PTPRN2: variants seen among roughly 807,000 people sequenced by gnomAD.
PTPRN2 encodes protein tyrosine phosphatase receptor type N2, also known as receptor-type tyrosine-protein phosphatase N2.
In PTPRN2, 74 loss-of-function variants were observed where a neutral mutation model predicts 118.8. The ratio of observed to expected loss-of-function variants is 0.62; its 90% CI spans 0.52 to 0.76. PTPRN2 has a LOEUF of 0.76. PTPRN2 is among the 30% of genes least tolerant of loss of function. The pLI, the probability that PTPRN2 is intolerant of heterozygous loss-of-function variation, is 0.00. For missense variants in PTPRN2, 1,481 were observed against 1,394.4 expected, an observed-to-expected ratio of 1.06 and a Z score of -0.99; for synonymous variants, 641 against 608.0, an observed-to-expected ratio of 1.05 and a Z score of -0.80.
intron 12 of PTPRN2, among the ~76,000 whole-genome samples, chr7:157,809,386 C>G (rs561824345): frequency 3.9e-5 from 6 of 152,078 alleles, no homozygotes; most frequent in African/African-American, 7.3e-5. Context: ...CAGCCCTGAG[C>G]GAGGTGTGGA....
chr7:157,726,092 C>A (rs71544504), intron 12 of PTPRN2, among the ~76,000 whole-genome samples: 1 of 106,718 alleles, frequency 9.4e-6, no homozygotes, highest in East Asian at 2.5e-4. Context: ...GTGGCCAGAC[C>A]CTCACCTCCC....
At chr7:158,331,868 G>C (rs1412203999) in intron 2 of PTPRN2, among the ~76,000 whole-genome samples, 1 of 109,682 alleles carries the variant, frequency 9.1e-6, no homozygotes, top group Non-Finnish European at 2.1e-5. Flanking sequence ...CACCATAAGA[G>C]CTGACACCCG....
At chr7:157,852,076 T>C (rs1004346031) in intron 12 of PTPRN2, among the ~76,000 whole-genome samples, 6 of 152,234 alleles carry the variant, frequency 3.9e-5, no homozygotes, top group African/African-American at 1.2e-4. Flanking sequence ...GGCAGGTCTG[T>C]TTGCAGCGGT....
intron 12 of PTPRN2, among the ~76,000 whole-genome samples, chr7:157,870,087 G>C (rs1289883964): frequency 1.3e-5 from 2 of 152,170 alleles, no homozygotes; most frequent in East Asian, 3.9e-4. Flanking sequence ...TGATTCCGCT[G>C]TTAAAAATTT....
chr7:158,154,353 G>A (rs1157770139), intron 6 of PTPRN2, among the ~76,000 whole-genome samples: 1 of 152,216 alleles, frequency 6.6e-6, no homozygotes, highest in Non-Finnish European at 1.5e-5. Flanking sequence ...ATGGGTTGCT[G>A]AGAAAATGAA....
chr7:157,931,836 G>A (rs942915518), intron 11 of PTPRN2, among the ~76,000 whole-genome samples: 1 of 152,164 alleles, frequency 6.6e-6, no homozygotes, highest in Non-Finnish European at 1.5e-5. Flanking sequence ...TCCTGAGCAT[G>A]AGCATGTGCA....
At chr7:157,679,100 AAT>A (rs879693746) in intron 13 of PTPRN2, among the ~76,000 whole-genome samples, 2 of 152,196 alleles carry the variant, frequency 1.3e-5, no homozygotes, top group South Asian at 4.2e-4. Flanking sequence ...TGTGTGTATA[AAT>A]ATATATATAC....
At chr7:158,552,297 G>A (rs943986272) in intron 1 of PTPRN2, among the ~76,000 whole-genome samples, 4 of 146,334 alleles carry the variant, frequency 2.7e-5, no homozygotes, top group Non-Finnish European at 4.5e-5. Flanking sequence ...CCCCGCCACC[G>A]CCTCCTAACC....
At chr7:157,906,755 G>A (rs370022198) in intron 11 of PTPRN2, among the ~76,000 whole-genome samples, 10 of 152,286 alleles carry the variant, frequency 6.6e-5, no homozygotes, top group Non-Finnish European at 1.0e-4. Flanking sequence ...CCAGGACCAC[G>A]GGCGGTGTGG....
intron 3 of PTPRN2, among the ~76,000 whole-genome samples, chr7:158,266,362 G>T (rs111486783): frequency 1.6e-5 from 2 of 124,014 alleles, no homozygotes; most frequent in Non-Finnish European, 3.3e-5. Flanking sequence ...GACGGCGTCT[G>T]CTGCGGGGTA....
chr7:157,625,868 A>T (rs1803542400), intron 14 of PTPRN2, among the ~76,000 whole-genome samples: 2 of 152,218 alleles, frequency 1.3e-5, no homozygotes, highest in African/African-American at 4.8e-5. Context: ...CATAAATAGC[A>T]TATGTAGAAA....
chr7:157,708,248 C>T (rs1174753405), intron 12 of PTPRN2, among the ~76,000 whole-genome samples: 2 of 152,242 alleles, frequency 1.3e-5, no homozygotes, highest in African/African-American at 4.8e-5. Context: ...ACATCCTCTC[C>T]TCTGCTGCCA....
intron 2 of PTPRN2, among the ~76,000 whole-genome samples, chr7:158,476,718 G>A (rs1462303030): frequency 6.6e-6 from 1 of 152,260 alleles, no homozygotes. Context: ...CCTCTAAAAC[G>A]AGGGCGTCCT....
intron 3 of PTPRN2, among the ~76,000 whole-genome samples, chr7:158,248,540 C>A (rs1417900441): frequency 6.6e-6 from 1 of 152,144 alleles, no homozygotes; most frequent in Admixed American, 6.5e-5. Flanking sequence ...ACACCCCATG[C>A]ACACATATCA....
intron 2 of PTPRN2, among the ~76,000 whole-genome samples, chr7:158,333,334 C>A (rs1332123107): frequency 7.0e-6 from 1 of 142,570 alleles, no homozygotes; most frequent in Admixed American, 6.8e-5. Flanking sequence ...ACACTGTCAC[C>A]ATAAGAGGTG....
At chr7:158,391,093 G>A (rs993438843) in intron 2 of PTPRN2, among the ~76,000 whole-genome samples, 11 of 152,138 alleles carry the variant, frequency 7.2e-5, no homozygotes, top group East Asian at 3.9e-4. Context: ...CGGTTGTAAC[G>A]CAACAGCCAT....
rs1258510047 is a variant in PTPRN2 at position 157,587,923 on chromosome 7, C to A, written c.2496+7315G>T. 6.8e-6 allele frequency among the ~76,000 whole-genome samples: 1 copy of A among 147,984 alleles called. No individual in the cohort carries two copies. Among genetic ancestry groups the A allele is most frequent in the East Asian group, 2.0e-4 (1 of 4,954 alleles). On this transcript the variant is annotated intron_variant, in intron 17 of 22. Coordinates refer to ENST00000389418, the MANE Select transcript of PTPRN2 (RefSeq NM_002847.5). This position sits in a 1 kb window ranked among gnomAD's most constrained non-coding sequence, Gnocchi z 5.3. ...GGCTGTCCCCGTGCCTGGGCTCCCG[C>A]GGTGGCTGTCCCCGTGCCTGGGCTC...
rs1554571717 is a variant in PTPRN2, at chr7:158,171,348, T to TATATATATATAC, written c.550-4058_550-4057insGTATATATATAT. Among the ~76,000 whole-genome samples, 37 of 89,970 alleles carry TATATATATATAC rather than the reference T, an allele frequency of 4.1e-4. 1 individual carries two copies. The highest frequency in any genetic ancestry group is 7.1e-4 in the South Asian group (2 of 2,812). The allele number at this position is 89,970 out of a possible 152,430, so 59.0% of individuals were successfully genotyped here. ...ATATATATATATATATATATATATA[T>TATATATATATAC]ACACACACACATTTTTTTAAGACAT... On this transcript the variant is annotated intron_variant, in intron 5 of 22. Transcript: ENST00000389418.
At chr7:158,188,186 CG>C (rs1387115853) in intron 5 of PTPRN2, among the ~76,000 whole-genome samples, 38 of 57,922 alleles carry the variant, frequency 6.6e-4, no homozygotes, top group African/African-American at 1.7e-3. Flanking sequence ...GCTCGCCCCG[CG>C]ATGGGGAAGG....
Sources: allele counts gnomAD v4.1 joint callset (sites outside exome capture counted in the v4.1 genomes callset), GRCh38; gene constraint gnomAD v4.1.1; non-coding constraint Gnocchi (gnomAD v3.1); transcripts MANE v1.5; gene names NCBI Gene and HGNC (gene_info 2026-07-23, HGNC 2026-07-21).